The following NCF2 variants were observed in gnomAD, a reference collection of about 807,000 sequenced individuals.
NCF2 encodes the protein neutrophil cytosol factor 2.
Under a neutral mutation model 70.9 loss-of-function variants are expected in NCF2, and 45 were observed. That is an observed-to-expected ratio of 0.63 (90% CI 0.50 to 0.81). The LOEUF is 0.81. Ranked by LOEUF, NCF2 falls within the 40% of genes least tolerant of loss-of-function variation. NCF2 has a pLI of 0.00. For synonymous variants in NCF2, 203 were observed against 233.6 expected (o/e 0.87, Z 1.19); for missense variants, 522 against 631.6 (o/e 0.83, Z 1.86).
intron 10 of NCF2, 105 bp downstream of exon 10, chr1:183,565,599 G>C: frequency 8.7e-6 from 10 of 1,148,302 alleles, no homozygotes; most frequent in Non-Finnish European, 1.2e-5. Context: ...GACATGTTGG[G>C]AGAAGAAGAA....
At chr1:183,580,446 G>T (rs905217275) in intron 2 of NCF2, among the ~76,000 whole-genome samples, 2 of 152,174 alleles carry the variant, frequency 1.3e-5, no homozygotes, top group African/African-American at 4.8e-5. Flanking sequence ...AGAAGCAGAG[G>T]TTTCCTGTTT....
At chr1:183,573,740 C>T (rs989175468) in intron 4 of NCF2, among the ~76,000 whole-genome samples, 1 of 152,204 alleles carries the variant, frequency 6.6e-6, no homozygotes, top group Non-Finnish European at 1.5e-5. Flanking sequence ...TAAAGCTAGC[C>T]TTATTCACAA....
intron 9 of NCF2, among the ~76,000 whole-genome samples, chr1:183,566,282 C>A (rs1200288420): frequency 3.9e-5 from 6 of 152,196 alleles, no homozygotes; most frequent in Non-Finnish European, 7.3e-5. Flanking sequence ...TCAGATCTGA[C>A]AAAGACAGCT....
At chr1:183,563,886 C>T in intron 11 of NCF2, 119 bp downstream of exon 11, 1 of 1,176,372 alleles carries the variant, frequency 8.5e-7, no homozygotes, top group Non-Finnish European at 1.3e-6. Flanking sequence ...TGTAAGGTAG[C>T]AACTGGTTCG....
chr1:183,568,735 A>G (rs1672417775), intron 7 of NCF2, among the ~76,000 whole-genome samples: 2 of 150,568 alleles, frequency 1.3e-5, no homozygotes, highest in Non-Finnish European at 1.5e-5. Context: ...GACTGCAGCC[A>G]GTGCGAAACC....
Position 183,564,023 on chromosome 1 carries a change from T to C in NCF2, c.1008A>G (p.Lys336=), listed in dbSNP as rs1347529148. ...PGRPQLSPGQ[K]QKEEPKEVKL... ...ATGTTACCTTAGGCTCTTCTTTTTG[T>C]TTCTGGCCTGAATGGAAAAAGTAGG... Residue 336 remains lysine, a synonymous_variant, in exon 11 of 15, where the codon AAA becomes AAG. Coordinates refer to ENST00000367535, the MANE Select transcript of NCF2 (RefSeq NM_000433.4). 3.7e-6 allele frequency: 6 copies of C among 1,611,378 alleles called. No individual in the cohort carries two copies. In the African/African-American group the frequency reaches 6.7e-5, roughly 18 times the overall value.
chr1:183,569,164 G>T lies in NCF2; in HGVS notation c.691C>A (p.Pro231Thr). The T allele has an allele frequency of 6.2e-7, 1 of 1,614,114 alleles. No individual in the cohort carries two copies. Among genetic ancestry groups the T allele is most frequent in the Non-Finnish European group, 8.5e-7 (1 of 1,180,008 alleles). ...TACCTGAAGATCTCTGGGGTTTTCG[G>T]TCTGGGTGGAGGCTCAGCTGCCTAT... ...QPQAAEPPPR[P>T]KTPEIFRALE... The change falls in exon 7 of 15, where the codon CCG becomes ACG. Residue 231 changes from proline to threonine, a missense_variant. Physicochemically the swap from Pro to Thr is conservative, Grantham distance 38. Transcript: ENST00000367535.
chr1:183,578,554 C>T lies in NCF2; in HGVS notation c.258-847G>A, dbSNP rs187450678. ...TAATTTTTTATATTTTAAGTAGAGA[C>T]CAGGTTTCACCATGTTGGCCAGGCT... On this transcript the variant is annotated intron_variant, in intron 2 of 14. Transcript: ENST00000367535. 8.7e-4 allele frequency among the ~76,000 whole-genome samples: 132 copies of T among 152,192 alleles called. 2 individuals are homozygous for T. In the East Asian group the frequency reaches 0.018, roughly 21 times the overall value.
intron 5 of NCF2, among the ~76,000 whole-genome samples, chr1:183,572,473 T>C (rs957183637): frequency 6.6e-6 from 1 of 152,136 alleles, no homozygotes; most frequent in South Asian, 2.1e-4. Flanking sequence ...TGAGTCACCA[T>C]GCACAGCCAA....
At chr1:183,567,086 C>T (rs969948634) in intron 8 of NCF2, 98 bp from the exon 9 acceptor site, 31 of 1,605,484 alleles carry the variant, frequency 1.9e-5, no homozygotes, top group Admixed American at 1.5e-4. Flanking sequence ...GAAGGGATGA[C>T]GAACAGACAA....
At chr1:183,574,224 C>T (rs1184100737) in intron 4 of NCF2, among the ~76,000 whole-genome samples, 2 of 152,242 alleles carry the variant, frequency 1.3e-5, no homozygotes, top group Non-Finnish European at 2.9e-5. Context: ...ACTGCTCCAG[C>T]ATCCAATATC....
At chr1:183,600,524 C>T in the NCF2 span, among the ~76,000 whole-genome samples, 1 of 152,200 alleles carries the variant, frequency 6.6e-6, no homozygotes, top group African/African-American at 2.4e-5. Flanking sequence ...CCAGGGCTCT[C>T]GTTCTGAACT....
At chr1:183,559,885 T>C (rs1671965516) in intron 14 of NCF2, among the ~76,000 whole-genome samples, 1 of 151,960 alleles carries the variant, frequency 6.6e-6, no homozygotes, top group African/African-American at 2.4e-5. Context: ...ACAAAACAAC[T>C]CAGCTTCTTG....
At chr1:183,589,463 C>G (rs1276818572) in intron 1 of NCF2, among the ~76,000 whole-genome samples, 1 of 152,194 alleles carries the variant, frequency 6.6e-6, no homozygotes, top group Non-Finnish European at 1.5e-5. Context: ...CTTCCAAACT[C>G]CATACCCTTT....
intron 2 of NCF2, among the ~76,000 whole-genome samples, chr1:183,580,966 G>A (rs374088218): frequency 1.5e-5 from 2 of 135,346 alleles, no homozygotes; most frequent in African/African-American, 5.5e-5. Context: ...TTGACAGAGC[G>A]AGACTCCAAC....
chr1:183,564,245 C>A (rs1672208507), intron 10 of NCF2, among the ~76,000 whole-genome samples: 1 of 152,120 alleles, frequency 6.6e-6, no homozygotes, highest in South Asian at 2.1e-4. Context: ...TCAGTCTCTG[C>A]TTCTAGGGAG....
intron 2 of NCF2, among the ~76,000 whole-genome samples, chr1:183,580,047 A>C (rs890035106): frequency 1.3e-5 from 2 of 152,224 alleles, no homozygotes; most frequent in Admixed American, 1.3e-4. Context: ...AGAGCTGAGC[A>C]CAAGGGCTGG....
At position 183,563,315 on chromosome 1, in the gene NCF2, G is replaced by A. The variant is rs760259259; in HGVS notation, c.1179-9C>T. The A allele has an allele frequency of 1.9e-5, 31 of 1,613,892 alleles. No homozygotes were observed. The highest frequency in any genetic ancestry group is 1.6e-4 in the Middle Eastern group (1 of 6,062). ...TGTCCCGAGGCCGATAGCTGGGTGGGGATAATGAGTAAGAATCCAGTCAAA... is the reference window on the plus strand; with the variant it reads ...TGTCCCGAGGCCGATAGCTGGGTGGAGATAATGAGTAAGAATCCAGTCAAA... On this transcript the variant is annotated splice_polypyrimidine_tract_variant and intron_variant, in intron 12 of 14. Coordinates refer to ENST00000367535, the MANE Select transcript of NCF2 (RefSeq NM_000433.4).
intron 4 of NCF2, 121 bp from the exon 5 acceptor site, chr1:183,573,413 A>G (rs1448895068): frequency 9.4e-5 from 90 of 953,406 alleles, no homozygotes; most frequent in Non-Finnish European, 5.0e-6. Context: ...GCCCTTTTCC[A>G]AATGAGTGTT....
Sources: gnomAD v4.1 joint callset for allele counts (sites outside exome capture counted in the v4.1 genomes callset) on GRCh38, gnomAD v4.1.1 for gene constraint, MANE v1.5 for transcripts, NCBI Gene and HGNC (gene_info 2026-07-23, HGNC 2026-07-21) for gene names.